The following ELP4 variants were observed in gnomAD, a reference collection of about 807,000 sequenced individuals.
The protein encoded by ELP4 is elongator complex protein 4.
Under a neutral mutation model 48.9 loss-of-function variants are expected in ELP4, and 51 were observed. The ratio of observed to expected loss-of-function variants is 1.04; its 90% CI spans 0.83 to 1.32. The LOEUF (loss-of-function observed/expected upper bound fraction) is 1.32, where lower values mean the gene tolerates loss of function less well. ELP4 is among the 40% of genes most tolerant of loss of function. ELP4 has a pLI of 0.00. For synonymous variants in ELP4, 210 were observed against 189.2 expected (o/e 1.11, Z -0.90); for missense variants, 519 against 514.6 (o/e 1.01, Z -0.08).
chr11:31,587,799 C>T (rs1370893255), intron 3 of ELP4, among the ~76,000 whole-genome samples: 1 of 151,902 alleles, frequency 6.6e-6, no homozygotes, highest in Non-Finnish European at 1.5e-5. Flanking sequence ...AATTTTTTAG[C>T]TTTCTACATT....
At chr11:31,742,644 T>G (rs1383213017) in intron 9 of ELP4, among the ~76,000 whole-genome samples, 1 of 152,114 alleles carries the variant, frequency 6.6e-6, no homozygotes, top group African/African-American at 2.4e-5. Flanking sequence ...CATATCCAGC[T>G]AAACTAAGCT....
intron 5 of ELP4, among the ~76,000 whole-genome samples, chr11:31,617,341 T>C (rs1297340873): frequency 6.6e-6 from 1 of 152,058 alleles, no homozygotes; most frequent in Non-Finnish European, 1.5e-5. Context: ...AAGATAAATA[T>C]GATTCTACTC....
intron 1 of ELP4, chr11:31,510,282 C>G: frequency 1.8e-6 from 1 of 547,032 alleles, no homozygotes; most frequent in Non-Finnish European, 3.3e-6. Context: ...TGCTTTTTAC[C>G]CTGAAATGCT....
intron 8 of ELP4, 189 bp downstream of exon 8, chr11:31,648,038 T>C (rs1592189446): frequency 4.7e-6 from 2 of 429,890 alleles, no homozygotes; most frequent in East Asian, 7.8e-5. Flanking sequence ...CTATAGACTA[T>C]AATAACTGAA....
At position 31,520,052 on chromosome 11, in the gene ELP4, C is replaced by G; in HGVS notation, c.224-4C>G. ...ATTTTCTTCTGGTTTTGTTTCATTTCCAGGTGGAGGTTTAGCCGTTGGAAC... is the reference window on the plus strand; with the variant it reads ...ATTTTCTTCTGGTTTTGTTTCATTTGCAGGTGGAGGTTTAGCCGTTGGAAC... On this transcript the variant is annotated splice_region_variant and splice_polypyrimidine_tract_variant and intron_variant, in intron 1 of 9. Transcript: ENST00000640961. 6.2e-7 allele frequency: 1 copy of G among 1,612,254 alleles called. No homozygotes were observed. The highest frequency in any genetic ancestry group is 1.1e-5 in the South Asian group (1 of 90,800).
intron 9 of ELP4, among the ~76,000 whole-genome samples, chr11:31,708,763 A>G (rs1174668122): frequency 6.6e-6 from 1 of 152,148 alleles, no homozygotes; most frequent in African/African-American, 2.4e-5. Flanking sequence ...TAATAAAAAC[A>G]ATGCTGAAGT....
intron 9 of ELP4, among the ~76,000 whole-genome samples, chr11:31,675,644 A>T (rs913861819): frequency 6.6e-6 from 1 of 152,164 alleles, no homozygotes; most frequent in Non-Finnish European, 1.5e-5. Flanking sequence ...CAAATGCTAT[A>T]CATGGTTTCT....
chr11:31,593,179 A>T (rs756496886), intron 3 of ELP4, among the ~76,000 whole-genome samples: 1 of 152,098 alleles, frequency 6.6e-6, no homozygotes, highest in Non-Finnish European at 1.5e-5. Context: ...TGTATTTTAC[A>T]TTTTTAACTT....
At chr11:31,577,823 C>T (rs1196153366) in intron 3 of ELP4, among the ~76,000 whole-genome samples, 1 of 152,084 alleles carries the variant, frequency 6.6e-6, no homozygotes, top group Admixed American at 6.6e-5. Flanking sequence ...TTATGACAAA[C>T]CCACAGCCAA....
At chr11:31,536,444 C>T (rs930512738) in intron 2 of ELP4, among the ~76,000 whole-genome samples, 5 of 152,108 alleles carry the variant, frequency 3.3e-5, no homozygotes, top group Admixed American at 6.6e-5. Flanking sequence ...CTCCACTTCC[C>T]AGGTTCAAGC....
rs1268225533 is a variant in ELP4 at position 31,786,830 on chromosome 11, T to TATTACTTAAAC, written c.*3316_*3317insCATTACTTAAA. The TATTACTTAAAC allele has an allele frequency of 4.6e-6, 1 of 217,238 alleles. No homozygotes were observed. The highest frequency in any genetic ancestry group is 2.3e-5 in the African/African-American group (1 of 44,440). 13.5% of individuals were successfully genotyped at this position (217,238 alleles called of 1,614,324 possible). ...TTTTACTTAGAGCAGTTTGAACGTT[T>TATTACTTAAAC]ATTACTTAAAACATTCAGCTCTTAT... On this transcript the variant is annotated 3_prime_UTR_variant, in exon 10 of 10. Transcript: ENST00000640961.
At position 31,790,260 on chromosome 11, in the gene ELP4, G is replaced by GA. The variant is rs35644855; in HGVS notation, c.*6746dup. 4.6e-3 allele frequency: 2,214 copies of GA among 482,712 alleles called. 21 individuals carry two copies. The highest frequency in any genetic ancestry group is 0.027 in the African/African-American group (1,358 of 50,132). 29.9% of individuals were successfully genotyped at this position (482,712 alleles called of 1,614,324 possible). ...CCCCCCACCCCAATCCAAAGGAAAA[G>GA]AAAAAAAAAATCCTCTGTTTGTTTG... On this transcript the variant is annotated 3_prime_UTR_variant, in exon 10 of 10. Coordinates refer to ENST00000640961, the MANE Select transcript of ELP4 (RefSeq NM_019040.5).
At chr11:31,655,967 T>G (rs1489956602) in intron 9 of ELP4, among the ~76,000 whole-genome samples, 6 of 152,036 alleles carry the variant, frequency 3.9e-5, no homozygotes, top group African/African-American at 1.4e-4. Flanking sequence ...TATTAATAAT[T>G]CCTTAAGGAG....
chr11:31,649,723 C>T (rs1592190841), intron 8 of ELP4: 1 of 159,008 alleles, frequency 6.3e-6, no homozygotes, highest in Admixed American at 6.5e-5. Context: ...TTGCCGGCTG[C>T]TTAGTGGTGC....
At chr11:31,720,164 G>A (rs1048418279) in intron 9 of ELP4, among the ~76,000 whole-genome samples, 7 of 151,976 alleles carry the variant, frequency 4.6e-5, no homozygotes, top group African/African-American at 1.7e-4. Context: ...AAACCTTTAA[G>A]ATAAATAATT....
intron 9 of ELP4, among the ~76,000 whole-genome samples, chr11:31,778,666 C>T (rs1948299955): frequency 6.6e-6 from 1 of 152,192 alleles, no homozygotes; most frequent in Non-Finnish European, 1.5e-5. Context: ...GATGAGGACA[C>T]TGAGGCTTAA....
At chr11:31,771,717 C>T (rs2902449) in intron 9 of ELP4, among the ~76,000 whole-genome samples, 29 of 152,134 alleles carry the variant, frequency 1.9e-4, no homozygotes, top group African/African-American at 3.1e-4. Flanking sequence ...CAGTGGCTCA[C>T]GCCTGTAATC....
chr11:31,527,386 A>G (rs1956312627), intron 2 of ELP4, among the ~76,000 whole-genome samples: 1 of 151,930 alleles, frequency 6.6e-6, no homozygotes, highest in South Asian at 2.1e-4. Context: ...AGCATATTTA[A>G]CCCCCTATTC....
chr11:31,659,183 C>T (rs1026670847), intron 9 of ELP4, among the ~76,000 whole-genome samples: 2 of 151,968 alleles, frequency 1.3e-5, no homozygotes, highest in Non-Finnish European at 2.9e-5. Context: ...ACTGGTAAAG[C>T]GGTTCTCTTA....
Sources: allele counts gnomAD v4.1 joint callset (sites outside exome capture counted in the v4.1 genomes callset), GRCh38; gene constraint gnomAD v4.1.1; transcripts MANE v1.5; gene names NCBI Gene and HGNC (gene_info 2026-07-23, HGNC 2026-07-21).